Variants in ELAVL3 observed in about 807,000 individuals in gnomAD.
ELAVL3 encodes ELAV like RNA binding protein 3.
ELAVL3 carries 8 observed loss-of-function variants against 34.2 expected under a neutral mutation model. The ratio of observed to expected loss-of-function variants is 0.23; its 90% CI spans 0.14 to 0.42. ELAVL3 has a LOEUF of 0.42. Among genes scored for constraint, ELAVL3 ranks in the 10% least tolerant of loss-of-function variants. The pLI is 1.00. For missense variants in ELAVL3, 273 were observed against 518.8 expected (o/e 0.53, Z 4.60); for synonymous variants, 209 against 222.1 (o/e 0.94, Z 0.53).
At chr19:11,455,162 C>T (rs1202419008) in intron 6 of ELAVL3, among the ~76,000 whole-genome samples, 1 of 152,014 alleles carries the variant, frequency 6.6e-6, no homozygotes. Flanking sequence ...TCACACCCAG[C>T]TAATTTTTTT....
chr19:11,462,995 T>C (rs1021888334), intron 3 of ELAVL3, among the ~76,000 whole-genome samples: 2 of 151,254 alleles, frequency 1.3e-5, no homozygotes, highest in Non-Finnish European at 2.9e-5. Flanking sequence ...AAAGAAATCA[T>C]GTCAATGTAT....
At position 11,466,527 on chromosome 19, in the gene ELAVL3, C is replaced by T; in HGVS notation, c.229+81G>A. 6.6e-7 allele frequency: 1 copy of T among 1,509,996 alleles called. No individual in the cohort carries two copies. The highest frequency in any genetic ancestry group is 9.1e-7 in the Non-Finnish European group (1 of 1,098,524). 93.5% of individuals were successfully genotyped at this position (1,509,996 alleles called of 1,614,324 possible). Reference sequence around the variant, plus strand: ...CTCGATTACCCCCGAGACACCTCAGCAAGGGTCCCACCTGCCCCCATCACC... The same window carrying T: ...CTCGATTACCCCCGAGACACCTCAGTAAGGGTCCCACCTGCCCCCATCACC... On this transcript the variant is annotated intron_variant, in intron 2 of 6. Coordinates refer to ENST00000359227, the MANE Select transcript of ELAVL3 (RefSeq NM_001420.4). The surrounding 1 kb of genome is among the most constrained non-coding windows in gnomAD (Gnocchi z 5.0).
rs573890308 is a variant in ELAVL3 at position 11,469,342 on chromosome 19, G to A, written c.10-2515C>T. ...GTTGCCCAGGCTGGAGTGCAATGGC[G>A]CGATCTTGGCTCCCCCCAAACTCCG... On this transcript the variant is annotated intron_variant, in intron 1 of 6. Transcript: ENST00000359227. Among the ~76,000 whole-genome samples, 10 of 152,258 alleles carry A rather than the reference G, an allele frequency of 6.6e-5. No homozygotes were observed. In the South Asian group the frequency reaches 1.5e-3, roughly 22 times the overall value.
intron 3 of ELAVL3, among the ~76,000 whole-genome samples, chr19:11,461,651 A>G (rs1411920521): frequency 6.6e-6 from 1 of 151,462 alleles, no homozygotes; most frequent in Non-Finnish European, 1.5e-5. Context: ...AGGCTGGAGT[A>G]CAGTGATGCA....
Position 11,466,082 on chromosome 19 carries a change from G to T in ELAVL3, c.333+90C>A. 1 of 1,149,070 alleles carries T rather than the reference G, an allele frequency of 8.7e-7. No homozygotes were observed. Among genetic ancestry groups the T allele is most frequent in the African/African-American group, 1.5e-5 (1 of 65,950 alleles). 71.2% of individuals were successfully genotyped at this position (1,149,070 alleles called of 1,614,324 possible). ...TGAGTCCTGAAAGGCAGTGGACATG[G>T]ATGCATGGGGGCGGGTAGGTGGCAG... On this transcript the variant is annotated intron_variant, in intron 3 of 6. Transcript: ENST00000359227. This position sits in a 1 kb window ranked among gnomAD's most constrained non-coding sequence, Gnocchi z 5.0.
chr19:11,459,402 G>C (rs1970838187), intron 3 of ELAVL3, among the ~76,000 whole-genome samples: 1 of 151,908 alleles, frequency 6.6e-6, no homozygotes, highest in Non-Finnish European at 1.5e-5. Flanking sequence ...CAAAGTGCTG[G>C]GATTACAGGC....
chr19:11,473,181 C>T (rs1189871376), intron 1 of ELAVL3, among the ~76,000 whole-genome samples: 3 of 152,028 alleles, frequency 2.0e-5, no homozygotes, highest in Admixed American at 6.6e-5. Flanking sequence ...CTGGCTAACA[C>T]GGCGAAACTC....
At chr19:11,455,562 C>T (rs923778395) in intron 6 of ELAVL3, among the ~76,000 whole-genome samples, 7 of 152,082 alleles carry the variant, frequency 4.6e-5, no homozygotes, top group Non-Finnish European at 8.8e-5. Flanking sequence ...GCTGGGATTA[C>T]AGGCATGAGC....
chr19:11,469,646 A>G (rs749074570), intron 1 of ELAVL3, among the ~76,000 whole-genome samples: 1 of 152,218 alleles, frequency 6.6e-6, no homozygotes, highest in African/African-American at 2.4e-5. Flanking sequence ...TGCATATTGC[A>G]GTTTTGTTTA....
chr19:11,460,783 AC>A, intron 3 of ELAVL3, among the ~76,000 whole-genome samples: 1 of 152,216 alleles, frequency 6.6e-6, no homozygotes, highest in South Asian at 2.1e-4. Context: ...GGAATTAGAC[AC>A]ATTTTAGCAC....
rs775707626 is a variant in ELAVL3, at chr19:11,458,021, G to C, written c.713+40C>G. Reference sequence around the variant, plus strand: ...GTTCAGGGAGGGTTGCAAGCTTGGGGGCACCCGGCCTGGGGCCATCTGGCT... The same window carrying C: ...GTTCAGGGAGGGTTGCAAGCTTGGGCGCACCCGGCCTGGGGCCATCTGGCT... On this transcript the variant is annotated intron_variant, in intron 5 of 6. Coordinates refer to ENST00000359227, the MANE Select transcript of ELAVL3 (RefSeq NM_001420.4). The surrounding 1 kb of genome is among the most constrained non-coding windows in gnomAD (Gnocchi z 7.3). 1.3e-6 allele frequency: 2 copies of C among 1,593,104 alleles called. No homozygotes were observed. The highest frequency in any genetic ancestry group is 4.5e-5 in the East Asian group (2 of 44,768).
In ELAVL3 at chr19:11,480,508, T is replaced by C; in HGVS notation, c.9+92A>G. 8.5e-7 allele frequency: 1 copy of C among 1,178,216 alleles called. No homozygotes were observed. 73.0% of individuals were successfully genotyped at this position (1,178,216 alleles called of 1,614,324 possible). On this transcript the variant is annotated intron_variant, in intron 1 of 6. Coordinates refer to ENST00000359227, the MANE Select transcript of ELAVL3 (RefSeq NM_001420.4). The surrounding 1 kb of genome is among the most constrained non-coding windows in gnomAD (Gnocchi z 6.8). ...ACCCGGGCCTAGCTAGGCCTGGTCC[T>C]ACCCCCCCCGCCGCACCCGCCCAAT...
rs116258279 is a variant in ELAVL3 at position 11,456,838 on chromosome 19, A to C, written c.752+272T>G. Among the ~76,000 whole-genome samples the C allele has an allele frequency of 2.4e-3, 361 of 151,984 alleles. 1 individual carries two copies. Among genetic ancestry groups the C allele is most frequent in the African/African-American group, 8.4e-3 (347 of 41,442 alleles). On this transcript the variant is annotated intron_variant, in intron 6 of 6. Coordinates refer to ENST00000359227, the MANE Select transcript of ELAVL3 (RefSeq NM_001420.4). ...ACCACCGTATCAGGCTAATCCTTAA[A>C]AAAAAATTGTAGAGAAGGATCTCAC...
In ELAVL3 at chr19:11,453,306, C is replaced by A; in HGVS notation, c.*1220G>T. 1 of 152,228 alleles carries A rather than the reference C, an allele frequency of 6.6e-6. No homozygotes were observed. The allele number at this position is 152,228 out of a possible 1,614,324, so 9.4% of individuals were successfully genotyped here. On this transcript the variant is annotated 3_prime_UTR_variant, in exon 7 of 7. Transcript: ENST00000359227. ...CTGTGTTCGTGGGCGCCAAGGAGACCGCTGGGGGTCCAGGAGAGATCTCTG... is the reference window on the plus strand; with the variant it reads ...CTGTGTTCGTGGGCGCCAAGGAGACAGCTGGGGGTCCAGGAGAGATCTCTG...
rs1970716940 is a variant in ELAVL3, at chr19:11,454,177, C to CG, written c.*348dup. 4.5e-6 allele frequency: 1 copy of CG among 224,662 alleles called. No homozygotes were observed. The highest frequency in any genetic ancestry group is 9.7e-5 in the East Asian group (1 of 10,318). The allele number at this position is 224,662 out of a possible 1,614,324, so 13.9% of individuals were successfully genotyped here. A position where few individuals can be genotyped will look rare whatever the true frequency, so the allele number is the denominator to read the frequency against. ...CCTGGAGCCCCCCAAGCCATCCCAT[C>CG]GGGGGTGGTCGAGGGTGGGGGTGGG... On this transcript the variant is annotated 3_prime_UTR_variant, in exon 7 of 7. Transcript: ENST00000359227. This position sits in a 1 kb window ranked among gnomAD's most constrained non-coding sequence, Gnocchi z 9.2.
Position 11,465,301 on chromosome 19 carries a change from CACACACCACACACAT to C in ELAVL3, c.333+856_333+870del, listed in dbSNP as rs1191931092. Among the ~76,000 whole-genome samples, 740 of 145,952 alleles carry C rather than the reference CACACACCACACACAT, an allele frequency of 5.1e-3. 5 individuals carry two copies. Among genetic ancestry groups the C allele is most frequent in the Non-Finnish European group, 8.9e-3 (589 of 66,278 alleles). On this transcript the variant is annotated intron_variant, in intron 3 of 6. Coordinates refer to ENST00000359227, the MANE Select transcript of ELAVL3 (RefSeq NM_001420.4). ...CATACACACACACACACCACACACACACACACCACACACATACACACATGCACACACACCACACAC... is the reference window on the plus strand; with the variant it reads ...CATACACACACACACACCACACACACACACACATGCACACACACCACACAC...
Position 11,473,222 on chromosome 19 carries a change from G to A in ELAVL3, c.10-6395C>T, listed in dbSNP as rs563245290. ...TTACTAAAAATACAAAAAATTAGCCGGGCATGGTGGCGGGCGCCTGTAGTC... is the reference window on the plus strand; with the variant it reads ...TTACTAAAAATACAAAAAATTAGCCAGGCATGGTGGCGGGCGCCTGTAGTC... On this transcript the variant is annotated intron_variant, in intron 1 of 6. Coordinates refer to ENST00000359227, the MANE Select transcript of ELAVL3 (RefSeq NM_001420.4). 2.4e-3 allele frequency among the ~76,000 whole-genome samples: 368 copies of A among 151,728 alleles called. 3 individuals carry two copies. Among genetic ancestry groups the A allele is most frequent in the African/African-American group, 8.5e-3 (351 of 41,354 alleles).
rs763888591 is a variant in ELAVL3 at position 11,466,778 on chromosome 19, G to A, written c.59C>T (p.Pro20Leu). 5 of 1,613,160 alleles carry A rather than the reference G, an allele frequency of 3.1e-6. No individual in the cohort carries two copies. Among genetic ancestry groups the A allele is most frequent in the African/African-American group, 1.3e-5 (1 of 74,898 alleles). ...ESQVGGGPAG[P>L]ALPNGPLLGT... ...AAGGAGTGGCCCGTTGGGCAGGGCC[G>A]GGCCGGCCGGGCCCCCCCCCACCTG... The change falls in exon 2 of 7, where the codon CCG becomes CTG. Residue 20 changes from proline to leucine, a missense_variant. This residue lies in a region of ELAVL3 where 40 missense variants were observed against 40.8 expected (regional missense o/e 0.98). Transcript: ENST00000359227. The surrounding 1 kb of genome is among the most constrained non-coding windows in gnomAD (Gnocchi z 5.0).
In ELAVL3 at chr19:11,458,665, GGAGA is replaced by G; in HGVS notation, c.334-58_334-55del. 1 of 1,600,346 alleles carries G rather than the reference GGAGA, an allele frequency of 6.2e-7. No homozygotes were observed. The stretch of plus-strand genomic sequence containing the variant: ...TGAGGCAGAGACCCATTTCACAGAT[GGAGA>G]GAGTGAGGCCATGTCTAAACCATCA... On this transcript the variant is annotated intron_variant, in intron 3 of 6. Coordinates refer to ENST00000359227, the MANE Select transcript of ELAVL3 (RefSeq NM_001420.4). The surrounding 1 kb of genome is among the most constrained non-coding windows in gnomAD (Gnocchi z 7.3).
Sources: allele counts gnomAD v4.1 joint callset (sites outside exome capture counted in the v4.1 genomes callset), GRCh38; gene constraint gnomAD v4.1.1; regional missense constraint gnomAD v4.1.1; non-coding constraint Gnocchi (gnomAD v3.1); transcripts MANE v1.5; gene names NCBI Gene and HGNC (gene_info 2026-07-23, HGNC 2026-07-21).